Variants in GALNT13 observed in about 807,000 individuals in gnomAD.
GALNT13 encodes polypeptide N-acetylgalactosaminyltransferase 13, also known as UDP-GalNAc:polypeptide N-acetylgalactosaminyltransferase 13.
Under a neutral mutation model 64.2 loss-of-function variants are expected in GALNT13, and 28 were observed. The observed-to-expected ratio is 0.44, with a 90% confidence interval of 0.32 to 0.60. The LOEUF is 0.60. Ranked by LOEUF, GALNT13 falls within the 20% of genes least tolerant of loss-of-function variation. The pLI is 0.05. For missense variants in GALNT13, 577 were observed against 669.8 expected (o/e 0.86, Z 1.53); for synonymous variants, 214 against 224.6 (o/e 0.95, Z 0.42).
At chr2:153,105,674 T>C in the GALNT13 span, among the ~76,000 whole-genome samples, 1 of 152,146 alleles carries the variant, frequency 6.6e-6, no homozygotes, top group South Asian at 2.1e-4. Context: ...CAGCAAAGTC[T>C]CAGGATACAA....
intron 3 of GALNT13, among the ~76,000 whole-genome samples, chr2:153,961,134 A>G (rs1361994275): frequency 6.6e-6 from 1 of 152,210 alleles, no homozygotes; most frequent in Admixed American, 6.5e-5. Flanking sequence ...GTATAAGTTG[A>G]GACAACTTAT....
At chr2:153,837,293 G>A in the GALNT13 span, among the ~76,000 whole-genome samples, 1 of 152,130 alleles carries the variant, frequency 6.6e-6, no homozygotes, top group Non-Finnish European at 1.5e-5. Context: ...TCTGTTGGCT[G>A]CATAAATGTC....
intron 1 of GALNT13, among the ~76,000 whole-genome samples, chr2:153,876,750 T>C (rs1686408751): frequency 6.6e-6 from 1 of 152,188 alleles, no homozygotes; most frequent in Non-Finnish European, 1.5e-5. Flanking sequence ...TTTATAGCTA[T>C]GAGTTTTTCA....
At chr2:153,069,961 T>C in the GALNT13 span, among the ~76,000 whole-genome samples, 2 of 152,178 alleles carry the variant, frequency 1.3e-5, no homozygotes, top group African/African-American at 4.8e-5. Context: ...AGGGAAGCTG[T>C]ATACTAACTT....
chr2:154,225,494 A>G (rs2105832938), intron 4 of GALNT13, among the ~76,000 whole-genome samples: 1 of 152,198 alleles, frequency 6.6e-6, no homozygotes, highest in South Asian at 2.1e-4. Context: ...TTTAATTTCT[A>G]GGAATTTACC....
Position 154,437,587 on chromosome 2 carries a change from C to A in GALNT13, c.1396-1005C>A, listed in dbSNP as rs1200485513. On this transcript the variant is annotated intron_variant, in intron 11 of 12. Coordinates refer to ENST00000392825, the MANE Select transcript of GALNT13 (RefSeq NM_052917.4). Reference sequence around the variant, plus strand: ...ATAACCCTCATGAGGCTGGGCATGGCGGCTCACACCTGTAATCCCAGCACT... The same window carrying A: ...ATAACCCTCATGAGGCTGGGCATGGAGGCTCACACCTGTAATCCCAGCACT... 3 of 1,261,000 alleles carry A rather than the reference C, an allele frequency of 2.4e-6. No homozygotes were observed. The East Asian group carries it at 1.7e-4, about 71-fold the overall frequency. 78.1% of individuals were successfully genotyped at this position (1,261,000 alleles called of 1,614,324 possible).
the GALNT13 span, among the ~76,000 whole-genome samples, chr2:153,441,141 G>A: frequency 5.7e-4 from 86 of 152,188 alleles, 1 homozygote; most frequent in African/African-American, 2.0e-3. Context: ...GTAAGGAAGG[G>A]GTCCGGTTTC....
At chr2:153,294,301 C>G in the GALNT13 span, among the ~76,000 whole-genome samples, 1 of 152,100 alleles carries the variant, frequency 6.6e-6, no homozygotes, top group Non-Finnish European at 1.5e-5. Context: ...ACCTTGCTTC[C>G]TTCAAGTTTC....
intron 8 of GALNT13, among the ~76,000 whole-genome samples, chr2:154,272,185 T>G (rs1691391099): frequency 6.6e-6 from 1 of 152,048 alleles, no homozygotes; most frequent in East Asian, 1.9e-4. Context: ...TTTTTCTGTC[T>G]TCTTGAATGA....
the GALNT13 span, among the ~76,000 whole-genome samples, chr2:153,343,178 T>C: frequency 0.074 from 11,309 of 152,176 alleles, 553 homozygotes; most frequent in South Asian, 0.19. Flanking sequence ...ATAACTATGA[T>C]TACAGGAAAA....
chr2:153,349,087 C>T, the GALNT13 span, among the ~76,000 whole-genome samples: 2 of 152,150 alleles, frequency 1.3e-5, no homozygotes, highest in Non-Finnish European at 2.9e-5. Flanking sequence ...GTCTTAGATT[C>T]CACCTAATGG....
At chr2:153,329,662 A>G in the GALNT13 span, among the ~76,000 whole-genome samples, 1 of 152,194 alleles carries the variant, frequency 6.6e-6, no homozygotes, top group Admixed American at 6.5e-5. Flanking sequence ...ATATCCTTAT[A>G]GGCTCTGGAT....
chr2:153,320,606 AC>A, the GALNT13 span, among the ~76,000 whole-genome samples: 1 of 152,224 alleles, frequency 6.6e-6, no homozygotes, highest in Non-Finnish European at 1.5e-5. Context: ...AGTTATGGAA[AC>A]TTTTGCTTTA....
chr2:153,630,864 A>AG, the GALNT13 span, among the ~76,000 whole-genome samples: 22,456 of 122,596 alleles, frequency 0.18, 2,485 homozygotes, highest in Middle Eastern at 0.25. Flanking sequence ...CACAACGTGC[A>AG]GTTTGTTACA....
chr2:153,925,939 T>A (rs1288766230), intron 2 of GALNT13, among the ~76,000 whole-genome samples: 1 of 152,134 alleles, frequency 6.6e-6, no homozygotes, highest in Non-Finnish European at 1.5e-5. Context: ...GCTTATCAGA[T>A]TAAGAAGCTT....
At chr2:154,341,487 A>C (rs1695770074) in intron 9 of GALNT13, among the ~76,000 whole-genome samples, 1 of 152,114 alleles carries the variant, frequency 6.6e-6, no homozygotes. Flanking sequence ...TTTAAGCAAA[A>C]GACTTTGTTA....
intron 4 of GALNT13, among the ~76,000 whole-genome samples, chr2:154,207,191 T>G (rs571688241): frequency 6.6e-6 from 1 of 152,292 alleles, no homozygotes; most frequent in African/African-American, 2.4e-5. Flanking sequence ...CCTGTGTAAT[T>G]GAAATCTGGC....
intron 3 of GALNT13, among the ~76,000 whole-genome samples, chr2:154,086,638 C>T (rs1001469509): frequency 6.6e-6 from 1 of 151,816 alleles, no homozygotes; most frequent in Non-Finnish European, 1.5e-5. Context: ...CCTTTGATTT[C>T]ATTTTGGTGA....
At chr2:154,335,459 A>C (rs1695392160) in intron 9 of GALNT13, among the ~76,000 whole-genome samples, 1 of 151,798 alleles carries the variant, frequency 6.6e-6, no homozygotes, top group African/African-American at 2.4e-5. Context: ...GGGGGTGGGG[A>C]ATTTTCTGCT....
Sources: allele counts gnomAD v4.1 joint callset (sites outside exome capture counted in the v4.1 genomes callset), GRCh38; gene constraint gnomAD v4.1.1; transcripts MANE v1.5; gene names NCBI Gene and HGNC (gene_info 2026-07-23, HGNC 2026-07-21).